Variants in TK1 observed in about 807,000 individuals in gnomAD.
TK1 encodes the protein thymidine kinase, cytosolic.
Under a neutral mutation model 22.4 loss-of-function variants are expected in TK1, and 13 were observed. The ratio of observed to expected loss-of-function variants is 0.58; its 90% confidence interval spans 0.38 to 0.92. The LOEUF is 0.92. Among genes scored for constraint, TK1 ranks in the 40% least tolerant of loss-of-function variants. TK1 has a pLI of 0.00. For missense variants in TK1, 251 were observed against 315.7 expected (o/e 0.80, Z 1.55); for synonymous variants, 134 against 125.4 (o/e 1.07, Z -0.46).
chr17:78,179,384 C>T (rs912699846), intron 4 of TK1: 17 of 985,198 alleles, frequency 1.7e-5, no homozygotes, highest in African/African-American at 1.6e-4. Context: ...TCTCCACGTA[C>T]GCAGAGGCAT....
chr17:78,187,194 G>A (rs540336332), upstream of TK1: 2 of 870,854 alleles, frequency 2.3e-6, no homozygotes, highest in East Asian at 2.6e-5. Context: ...GGAGGAATCC[G>A]GGACGTGCGC....
In TK1 at chr17:78,182,601, G is replaced by T. The variant is rs780899312; in HGVS notation, c.291C>A (p.Asp97Glu). 1.3e-6 allele frequency: 2 copies of T among 1,586,786 alleles called. No homozygotes were observed. Among genetic ancestry groups the T allele is most frequent in the Non-Finnish European group, 1.7e-6 (2 of 1,166,684 alleles). ...CAAGCCAACTTACAAACTGCCCCTC[G>T]TCGATGCCTATGACAGCCACGCCCA... ...EALGVAVIGIDEGQFFPDIVE... is the reference protein window; with the variant it reads ...EALGVAVIGIEEGQFFPDIVE... The change falls in exon 4 of 7, where the codon GAC (aspartate) becomes GAA (glutamate). Residue 97 changes from aspartate (D) to glutamate (E), a missense_variant. Transcript: ENST00000301634.
rs1322246161 is a variant in TK1, at chr17:78,174,662, G to A, written c.*97C>T. ...AGGCCAAGGTGTGGTCACCCTCCAC[G>A]CCTCCCGACTTCCTCCTGGAGTGGC... On this transcript the variant is annotated 3_prime_UTR_variant, in exon 7 of 7. Transcript: ENST00000301634. The A allele has an allele frequency of 6.5e-6, 9 of 1,380,690 alleles. No homozygotes were observed. Among genetic ancestry groups the A allele is most frequent in the Middle Eastern group, 2.5e-4 (1 of 3,980 alleles). 85.5% of individuals were successfully genotyped at this position (1,380,690 alleles called of 1,614,324 possible).
Position 78,186,918 on chromosome 17 carries a change from G to A in TK1, c.66+11C>T. The A allele has an allele frequency of 1.3e-6, 2 of 1,567,152 alleles. No individual in the cohort carries two copies. The highest frequency in any genetic ancestry group is 4.8e-5 in the East Asian group (2 of 41,682). ...CTCATCCCCAGCCACGCGCAGGGCT[G>A]GCCCCCGCACCTGGATCTGCCCCCG... On this transcript the variant is annotated intron_variant, in intron 1 of 6. Transcript: ENST00000301634.
chr17:78,175,613 A>T lies in TK1; in HGVS notation c.309T>A (p.Pro103=), dbSNP rs1436012384. 1 of 1,613,314 alleles carries T rather than the reference A, an allele frequency of 6.2e-7. No homozygotes were observed. The highest frequency in any genetic ancestry group is 8.5e-7 in the Non-Finnish European group (1 of 1,179,778). The change falls in exon 5 of 7, where the codon CCT becomes CCA. Residue 103 remains proline (P), a synonymous_variant. Transcript: ENST00000301634. The stretch of plus-strand genomic sequence containing the variant: ...TGGCCTCGCAGAACTCCACGATGTC[A>T]GGGAACTGGAAAGGGCACGTGGAGA... ...VIGIDEGQFF[P]DIVEFCEAMA...
Position 78,175,083 on chromosome 17 carries a change from G to A in TK1, c.480C>T (p.Ala160=), listed in dbSNP as rs147289705. ...CTGTGCCGAGCCTCTTGGTATAGGCGGCTTCCCGGAAGCACTCCATGCACA... is the reference window on the plus strand; with the variant it reads ...CTGTGCCGAGCCTCTTGGTATAGGCAGCTTCCCGGAAGCACTCCATGCACA... The part of the protein sequence containing the change: ...TAVCMECFRE[A]AYTKRLGTEK... Residue 160 remains alanine (A), a synonymous_variant, in exon 6 of 7, where the codon GCC becomes GCT. Coordinates refer to ENST00000301634, the MANE Select transcript of TK1 (RefSeq NM_003258.5). 7.4e-6 allele frequency: 12 copies of A among 1,613,542 alleles called. No homozygotes were observed. In the Admixed American group the frequency reaches 1.0e-4, roughly 13 times the overall value.
chr17:78,175,868 C>T (rs953414858), intron 4 of TK1, among the ~76,000 whole-genome samples: 3 of 152,164 alleles, frequency 2.0e-5, no homozygotes, highest in African/African-American at 7.2e-5. Flanking sequence ...TCCAGGTACC[C>T]AGGACTCAGC....
intron 2 of TK1, among the ~76,000 whole-genome samples, chr17:78,186,337 A>G (rs2145831996): frequency 6.6e-6 from 1 of 152,270 alleles, no homozygotes; most frequent in East Asian, 1.9e-4. Context: ...TCACCTCAGG[A>G]GAGCAGAGGC....
At chr17:78,186,850 C>A (rs371793574) in intron 1 of TK1, 32 bp from the exon 2 acceptor site, 12 of 1,573,464 alleles carry the variant, frequency 7.6e-6, no homozygotes, top group Non-Finnish European at 9.5e-6. Context: ...TTTGAGGGCC[C>A]GCCCTGCGCG....
chr17:78,184,797 TC>T (rs2075768785), intron 3 of TK1, among the ~76,000 whole-genome samples: 1 of 151,862 alleles, frequency 6.6e-6, no homozygotes, highest in African/African-American at 2.4e-5. Context: ...CCCTCCCCCC[TC>T]CAGTTGCAAC....
At chr17:78,183,661 A>G (rs962197304) in intron 3 of TK1, 2 of 152,198 alleles carry the variant, frequency 1.3e-5, no homozygotes, top group African/African-American at 4.8e-5. Context: ...GAGCCACTGC[A>G]CTCCAGCCTG....
intron 3 of TK1, among the ~76,000 whole-genome samples, chr17:78,184,033 C>A (rs530076680): frequency 6.6e-6 from 1 of 152,356 alleles, no homozygotes; most frequent in South Asian, 2.1e-4. Flanking sequence ...ACAGCTGGAA[C>A]GAAGTGACCT....
chr17:78,174,757 C>T lies in TK1; in HGVS notation c.*2G>A. 4 of 1,598,416 alleles carry T rather than the reference C, an allele frequency of 2.5e-6. No homozygotes were observed. Among genetic ancestry groups the T allele is most frequent in the Non-Finnish European group, 3.4e-6 (4 of 1,172,950 alleles). On this transcript the variant is annotated 3_prime_UTR_variant, in exon 7 of 7. Coordinates refer to ENST00000301634, the MANE Select transcript of TK1 (RefSeq NM_003258.5). ...AGGGAGCGGGCGGCCCTCGCAGGTCCCTCAGTTGGCAGGGCTGCATTGCAG... is the reference window on the plus strand; with the variant it reads ...AGGGAGCGGGCGGCCCTCGCAGGTCTCTCAGTTGGCAGGGCTGCATTGCAG...
chr17:78,176,585 C>T (rs1462141536), intron 4 of TK1, among the ~76,000 whole-genome samples: 2 of 152,098 alleles, frequency 1.3e-5, no homozygotes, highest in Non-Finnish European at 2.9e-5. Flanking sequence ...GAAGGAAACC[C>T]AGAGACTCCA....
At chr17:78,186,396 C>T (rs2075794282) in intron 2 of TK1, among the ~76,000 whole-genome samples, 1 of 152,040 alleles carries the variant, frequency 6.6e-6, no homozygotes, top group Non-Finnish European at 1.5e-5. Flanking sequence ...GTTTCCTTGG[C>T]CTTAGAAGGA....
chr17:78,180,893 T>G (rs1276542439), intron 4 of TK1, among the ~76,000 whole-genome samples: 1 of 152,178 alleles, frequency 6.6e-6, no homozygotes, highest in Non-Finnish European at 1.5e-5. Context: ...AGAGGTAACA[T>G]TAGAGAGATG....
At chr17:78,184,351 T>C (rs1264087156) in intron 3 of TK1, among the ~76,000 whole-genome samples, 2 of 152,324 alleles carry the variant, frequency 1.3e-5, no homozygotes, top group South Asian at 2.1e-4. Context: ...CTATAATGTG[T>C]GGCACAGCAT....
intron 4 of TK1, among the ~76,000 whole-genome samples, chr17:78,181,795 G>T (rs1471701735): frequency 6.6e-6 from 1 of 151,736 alleles, no homozygotes; most frequent in African/African-American, 2.4e-5. Context: ...GTCTGGCCTT[G>T]TCGCCCGGGC....
intron 4 of TK1, among the ~76,000 whole-genome samples, chr17:78,180,629 A>G (rs566645268): frequency 6.6e-6 from 1 of 152,350 alleles, no homozygotes; most frequent in Non-Finnish European, 1.5e-5. Flanking sequence ...ATAACCCAAC[A>G]GTAACTTGTC....
Sources: gnomAD v4.1 joint callset for allele counts (sites outside exome capture counted in the v4.1 genomes callset) on GRCh38, gnomAD v4.1.1 for gene constraint, MANE v1.5 for transcripts, NCBI Gene and HGNC (gene_info 2026-07-23, HGNC 2026-07-21) for gene names.